Variants in LRFN2 observed in about 807,000 individuals in gnomAD.
The protein encoded by LRFN2 is leucine-rich repeat and fibronectin type-III domain-containing protein 2.
LRFN2 carries 18 observed loss-of-function variants against 37.3 expected under a neutral mutation model. The ratio of observed to expected loss-of-function variants is 0.48; its 90% CI spans 0.33 to 0.72. The LOEUF (loss-of-function observed/expected upper bound fraction) is 0.72. LRFN2 is among the 30% of genes least tolerant of loss of function. The pLI is 0.02. For missense variants in LRFN2, 1,006 were observed against 1,060.7 expected (o/e 0.95, Z 0.72); for synonymous variants, 556 against 466.6 (o/e 1.19, Z -2.47).
chr6:40,518,696 C>T (rs1434816501), intron 1 of LRFN2, among the ~76,000 whole-genome samples: 3 of 152,184 alleles, frequency 2.0e-5, no homozygotes, highest in Non-Finnish European at 4.4e-5. Context: ...TACACTTAGT[C>T]ATCCATTCAT....
intron 1 of LRFN2, among the ~76,000 whole-genome samples, chr6:40,505,052 T>A (rs1765496091): frequency 6.6e-6 from 1 of 152,200 alleles, no homozygotes; most frequent in South Asian, 2.1e-4. Context: ...CGAGCCTAGA[T>A]CTTTGGAGGG....
intron 1 of LRFN2, among the ~76,000 whole-genome samples, chr6:40,450,292 C>A (rs1764074747): frequency 6.6e-6 from 1 of 152,214 alleles, no homozygotes; most frequent in South Asian, 2.1e-4. Flanking sequence ...CATCTCCCTG[C>A]CAATTCTTGG....
At chr6:40,411,381 G>A (rs971411125) in intron 2 of LRFN2, among the ~76,000 whole-genome samples, 1 of 152,258 alleles carries the variant, frequency 6.6e-6, no homozygotes, top group South Asian at 2.1e-4. Flanking sequence ...ACGTATGTGA[G>A]TGTGACTGTG....
chr6:40,558,871 G>T (rs1766939222), intron 1 of LRFN2, among the ~76,000 whole-genome samples: 1 of 152,170 alleles, frequency 6.6e-6, no homozygotes, highest in African/African-American at 2.4e-5. Flanking sequence ...ACAATCAGAG[G>T]CATCTCAATC....
At chr6:40,578,178 G>GGCAGCCT (rs1171401663) in intron 1 of LRFN2, among the ~76,000 whole-genome samples, 1 of 152,110 alleles carries the variant, frequency 6.6e-6, no homozygotes, top group Non-Finnish European at 1.5e-5. Flanking sequence ...CTGTGTAGAG[G>GGCAGCCT]GCAGCCTGCT....
At chr6:40,496,031 CT>C in intron 1 of LRFN2, among the ~76,000 whole-genome samples, 1 of 152,080 alleles carries the variant, frequency 6.6e-6, no homozygotes. Flanking sequence ...CGCTTGGAGC[CT>C]CTCCCAACTC....
intron 1 of LRFN2, among the ~76,000 whole-genome samples, chr6:40,545,751 C>A (rs1766649549): frequency 6.6e-6 from 1 of 152,076 alleles, no homozygotes; most frequent in Admixed American, 6.6e-5. Context: ...GGCAGAGGCA[C>A]TTGGAGGAGG....
rs201174504 is a variant in LRFN2, at chr6:40,392,462, G to A, written c.1851C>T (p.Arg617=). 3.1e-4 allele frequency: 491 copies of A among 1,567,954 alleles called. 4 individuals are homozygous for A. The East Asian group carries it at 6.7e-3, about 21-fold the overall frequency. The change falls in exon 3 of 3, where the codon CGC becomes CGT. Residue 617 remains arginine, a synonymous_variant. Coordinates refer to ENST00000338305, the MANE Select transcript of LRFN2 (RefSeq NM_020737.3). The surrounding 1 kb of genome is among the most constrained non-coding windows in gnomAD (Gnocchi z 4.7). The part of the protein sequence containing the change: ...ELLDFTASLA[R]ASDSSSSSSL... ...AGCTGGAGGAAGAGGAGTCACTGGC[G>A]CGGGCCAGGCTGGCGGTGAAGTCCA...
intron 1 of LRFN2, among the ~76,000 whole-genome samples, chr6:40,507,203 G>T (rs1037633138): frequency 2.0e-5 from 3 of 152,132 alleles, no homozygotes; most frequent in Non-Finnish European, 4.4e-5. Flanking sequence ...TCTGGCACAT[G>T]GTGGGTTCTT....
At chr6:40,533,374 A>C (rs867322801) in intron 1 of LRFN2, among the ~76,000 whole-genome samples, 3 of 142,974 alleles carry the variant, frequency 2.1e-5, no homozygotes, top group Non-Finnish European at 3.1e-5. Flanking sequence ...TCTTGCTCAA[A>C]ACACACACAC....
intron 1 of LRFN2, among the ~76,000 whole-genome samples, chr6:40,556,365 G>A (rs1286044501): frequency 6.6e-6 from 1 of 152,166 alleles, no homozygotes. Flanking sequence ...CTTCTGCTCA[G>A]AAGGATAATG....
chr6:40,464,136 A>C (rs928169485), intron 1 of LRFN2, among the ~76,000 whole-genome samples: 3 of 152,144 alleles, frequency 2.0e-5, no homozygotes, highest in Non-Finnish European at 4.4e-5. Flanking sequence ...CTGCATTATA[A>C]TGATTTCATA....
At chr6:40,477,571 G>T (rs1017881684) in intron 1 of LRFN2, among the ~76,000 whole-genome samples, 4 of 152,178 alleles carry the variant, frequency 2.6e-5, no homozygotes, top group African/African-American at 9.7e-5. Context: ...CTCCAGAATG[G>T]CGCTGAGTGC....
At chr6:40,534,231 TC>T (rs1357797493) in intron 1 of LRFN2, among the ~76,000 whole-genome samples, 1 of 152,182 alleles carries the variant, frequency 6.6e-6, no homozygotes, top group Non-Finnish European at 1.5e-5. Flanking sequence ...CTGCTAGGTC[TC>T]CATCCTCTCA....
chr6:40,540,380 A>T (rs973971206), intron 1 of LRFN2, among the ~76,000 whole-genome samples: 1 of 152,118 alleles, frequency 6.6e-6, no homozygotes, highest in Non-Finnish European at 1.5e-5. Flanking sequence ...TTCCTTCCAG[A>T]TCCCAAGCTT....
chr6:40,395,516 C>T (rs931142815), intron 2 of LRFN2, among the ~76,000 whole-genome samples: 9 of 152,148 alleles, frequency 5.9e-5, no homozygotes, highest in African/African-American at 2.2e-4. Flanking sequence ...CCTGTGTGGC[C>T]AATGCTGCAG....
In LRFN2 at chr6:40,493,241, G is replaced by A. The variant is rs1306221244; in HGVS notation, c.-18-60110C>T. 1.3e-5 allele frequency among the ~76,000 whole-genome samples: 2 copies of A among 152,136 alleles called. 1 individual carries two copies. Among genetic ancestry groups the A allele is most frequent in the Admixed American group, 1.3e-4 (2 of 15,282 alleles). The stretch of plus-strand genomic sequence containing the variant: ...CCCCCTGCCCTTGCCAGCCCACCTT[G>A]AACTTCTGCCTCAGTTTCCCTGCAT... On this transcript the variant is annotated intron_variant, in intron 1 of 2. Coordinates refer to ENST00000338305, the MANE Select transcript of LRFN2 (RefSeq NM_020737.3).
At chr6:40,445,671 C>T (rs1463858296) in intron 1 of LRFN2, among the ~76,000 whole-genome samples, 3 of 152,214 alleles carry the variant, frequency 2.0e-5, no homozygotes, top group Non-Finnish European at 2.9e-5. Context: ...GAGGCCCCGG[C>T]TTGAGAAGTG....
In LRFN2 at chr6:40,510,548, C is replaced by A. The variant is rs141705156; in HGVS notation, c.-19+76393G>T. On this transcript the variant is annotated intron_variant, in intron 1 of 2. Coordinates refer to ENST00000338305, the MANE Select transcript of LRFN2 (RefSeq NM_020737.3). ...ATTAATCTCACAAACATTTGTTGAG[C>A]TCCTACATGATGCCAGACCTTGGGT... Among the ~76,000 whole-genome samples the A allele has an allele frequency of 1.4e-3, 216 of 152,326 alleles. 1 individual carries two copies. The highest frequency in any genetic ancestry group is 5.0e-3 in the African/African-American group (209 of 41,568).
Sources: gnomAD v4.1 joint callset for allele counts (sites outside exome capture counted in the v4.1 genomes callset) on GRCh38, gnomAD v4.1.1 for gene constraint, Gnocchi (gnomAD v3.1) non-coding constraint, MANE v1.5 for transcripts, NCBI Gene and HGNC (gene_info 2026-07-23, HGNC 2026-07-21) for gene names.